The following EPHA5 variants were observed in gnomAD, a reference collection of about 807,000 sequenced individuals.
EPHA5 encodes the protein ephrin type-A receptor 5.
Under a neutral mutation model 105.0 loss-of-function variants are expected in EPHA5, and 60 were observed. The ratio of observed to expected loss-of-function variants is 0.57; its 90% CI spans 0.46 to 0.71. EPHA5 has a LOEUF of 0.71. Ranked by LOEUF, EPHA5 falls within the 30% of genes least tolerant of loss-of-function variation. The probability of loss-of-function intolerance (pLI) is 0.00; values close to 1 mark genes in which losing one functional copy is unlikely to be tolerated. For synonymous variants in EPHA5, 513 were observed against 449.1 expected, an observed-to-expected ratio of 1.14 and a Z score of -1.80; for missense variants, 1,218 against 1,274.7, an observed-to-expected ratio of 0.96 and a Z score of 0.68.
At chr4:65,398,139 GC>G (rs1303174433) in intron 8 of EPHA5, among the ~76,000 whole-genome samples, 2 of 152,160 alleles carry the variant, frequency 1.3e-5, no homozygotes, top group African/African-American at 4.8e-5. Flanking sequence ...GGCCTGAGAA[GC>G]CCCCTGCCCC....
chr4:65,329,157 C>CA (rs1368330964), intron 16 of EPHA5, among the ~76,000 whole-genome samples: 2 of 151,326 alleles, frequency 1.3e-5, no homozygotes, highest in African/African-American at 4.8e-5. Context: ...TCCCTGTTGA[C>CA]AATAACCCAC....
intron 3 of EPHA5, among the ~76,000 whole-genome samples, chr4:65,579,673 G>C (rs1051197134): frequency 6.6e-6 from 1 of 151,702 alleles, no homozygotes; most frequent in African/African-American, 2.4e-5. Flanking sequence ...CTAATTGCTT[G>C]AGTCTGTGAT....
At position 65,323,628 on chromosome 4, in the gene EPHA5, A is replaced by G. The variant is rs1444555481; in HGVS notation, c.*486T>C. On this transcript the variant is annotated 3_prime_UTR_variant, in exon 17 of 17. Coordinates refer to ENST00000613740, the MANE Select transcript of EPHA5 (RefSeq NM_001281766.3). ...TACAAAAGAAGATATCTATTAAGAA[A>G]TAATCTAATCATATTGCTCTTCAAT... 4.3e-6 allele frequency: 1 copy of G among 230,260 alleles called. No homozygotes were observed. The highest frequency in any genetic ancestry group is 5.7e-5 in the Admixed American group (1 of 17,616). The allele number at this position is 230,260 out of a possible 1,614,324, so 14.3% of individuals were successfully genotyped here.
At position 65,365,143 on chromosome 4, in the gene EPHA5, C is replaced by T. The variant is rs2148888820; in HGVS notation, c.2047G>A (p.Val683Met). ...LKLPGKRELP[V>M]AIKTLKVGYT... Reference sequence around the variant, plus strand: ...CCTACTTTAAGGGTTTTGATAGCCACAGGTAATTCTCTTTTTCCTGGTAGT... The same window carrying T: ...CCTACTTTAAGGGTTTTGATAGCCATAGGTAATTCTCTTTTTCCTGGTAGT... The change falls in exon 11 of 17, where the codon GTG becomes ATG. Residue 683 changes from valine to methionine, a missense_variant. Physicochemically the swap from Val to Met is conservative, Grantham distance 21. Around this residue, in one of 3 missense-constraint regions of EPHA5, gnomAD observed 971 missense variants for 1,013.5 expected, o/e 0.96. Coordinates refer to ENST00000613740, the MANE Select transcript of EPHA5 (RefSeq NM_001281766.3). 6.2e-7 allele frequency: 1 copy of T among 1,611,554 alleles called. No individual in the cohort carries two copies. The highest frequency in any genetic ancestry group is 8.5e-7 in the Non-Finnish European group (1 of 1,178,358).
chr4:65,353,669 T>C (rs1577896471), intron 11 of EPHA5, among the ~76,000 whole-genome samples: 1 of 151,758 alleles, frequency 6.6e-6, no homozygotes, highest in South Asian at 2.1e-4. Context: ...TTGGAACATA[T>C]TCATCTTTCT....
intron 3 of EPHA5, among the ~76,000 whole-genome samples, chr4:65,519,612 G>T (rs1390881092): frequency 6.6e-6 from 1 of 152,106 alleles, no homozygotes; most frequent in Non-Finnish European, 1.5e-5. Flanking sequence ...TGACATGTTT[G>T]TATATTTACA....
At chr4:65,579,266 C>A (rs1334038206) in intron 3 of EPHA5, among the ~76,000 whole-genome samples, 2 of 149,626 alleles carry the variant, frequency 1.3e-5, no homozygotes, top group African/African-American at 4.9e-5. Flanking sequence ...GTTGTTCTGC[C>A]TAAGTAAGAA....
At chr4:65,449,145 A>G (rs906260198) in intron 5 of EPHA5, among the ~76,000 whole-genome samples, 2 of 152,172 alleles carry the variant, frequency 1.3e-5, no homozygotes, top group Admixed American at 6.5e-5. Flanking sequence ...ATAAATTTTA[A>G]AAAGGATTAT....
intron 4 of EPHA5, among the ~76,000 whole-genome samples, chr4:65,492,326 C>A (rs955516984): frequency 1.3e-4 from 19 of 151,662 alleles, no homozygotes; most frequent in African/African-American, 4.1e-4. Context: ...CTCAGCCTCC[C>A]GAGTAGCTGG....
intron 3 of EPHA5, among the ~76,000 whole-genome samples, chr4:65,588,102 C>A (rs1742293055): frequency 6.6e-6 from 1 of 152,266 alleles, no homozygotes; most frequent in African/African-American, 2.4e-5. Flanking sequence ...GTAAAATTAA[C>A]CTTCTGAGCT....
chr4:65,392,991 G>C (rs1720874478), intron 8 of EPHA5, among the ~76,000 whole-genome samples: 1 of 152,128 alleles, frequency 6.6e-6, no homozygotes, highest in African/African-American at 2.4e-5. Context: ...AATTCTATGA[G>C]AATACTGATA....
intron 5 of EPHA5, among the ~76,000 whole-genome samples, chr4:65,455,788 T>C (rs934072091): frequency 1.3e-5 from 2 of 152,194 alleles, no homozygotes; most frequent in South Asian, 2.1e-4. Context: ...CTAACCTTCA[T>C]TGGCCCAGAC....
chr4:65,473,540 C>T (rs796462930), intron 5 of EPHA5, among the ~76,000 whole-genome samples: 6 of 152,214 alleles, frequency 3.9e-5, no homozygotes, highest in African/African-American at 1.4e-4. Context: ...AGAGCAAGTG[C>T]AGGAAAAACT....
chr4:65,625,505 A>C (rs1460541387), intron 2 of EPHA5, among the ~76,000 whole-genome samples: 2 of 152,192 alleles, frequency 1.3e-5, no homozygotes, highest in Non-Finnish European at 2.9e-5. Flanking sequence ...ATTCAAGAAT[A>C]AGATATCAAA....
intron 11 of EPHA5, among the ~76,000 whole-genome samples, chr4:65,355,527 T>A (rs1723218426): frequency 1.3e-5 from 2 of 151,578 alleles, no homozygotes; most frequent in Admixed American, 6.6e-5. Flanking sequence ...CATTCTCACA[T>A]CTCTGAGCCC....
intron 3 of EPHA5, among the ~76,000 whole-genome samples, chr4:65,569,754 A>G (rs574381182): frequency 6.6e-6 from 1 of 151,862 alleles, no homozygotes; most frequent in East Asian, 1.9e-4. Context: ...TATGGGCAGA[A>G]TCTTTGCCAT....
At position 65,514,766 on chromosome 4, in the gene EPHA5, A is replaced by G. The variant is rs140383886; in HGVS notation, c.911-19223T>C. 7.3e-3 allele frequency among the ~76,000 whole-genome samples: 1,109 copies of G among 152,170 alleles called. 6 individuals carry two copies. The highest frequency in any genetic ancestry group is 0.017 in the South Asian group (83 of 4,818). ...CTCATGCCATCAAACTATATAACCA[A>G]TTCAATTCCTTGATGCTCCCCTTCA... is the stretch of plus-strand genomic sequence containing the variant. On this transcript the variant is annotated intron_variant, in intron 3 of 16. Transcript: ENST00000613740.
At chr4:65,376,819 G>A (rs1386395245) in intron 8 of EPHA5, among the ~76,000 whole-genome samples, 1 of 152,000 alleles carries the variant, frequency 6.6e-6, no homozygotes, top group Non-Finnish European at 1.5e-5. Flanking sequence ...TAGGGATGAT[G>A]TGCCATATGT....
intron 14 of EPHA5, among the ~76,000 whole-genome samples, chr4:65,340,864 T>A (rs1490953321): frequency 6.6e-6 from 1 of 152,148 alleles, no homozygotes; most frequent in Non-Finnish European, 1.5e-5. Flanking sequence ...CTTCATCACA[T>A]GTGCACCTGC....
Sources: allele counts gnomAD v4.1 joint callset (sites outside exome capture counted in the v4.1 genomes callset), GRCh38; gene constraint gnomAD v4.1.1; regional missense constraint gnomAD v4.1.1; transcripts MANE v1.5; gene names NCBI Gene and HGNC (gene_info 2026-07-23, HGNC 2026-07-21).